The following DRC11 variants were observed in gnomAD, a reference collection of about 807,000 sequenced individuals.
DRC11 encodes IQ and AAA domain-containing protein 1.
the DRC11 span, among the ~76,000 whole-genome samples, chr2:236,495,555 A>C: frequency 6.6e-6 from 1 of 152,082 alleles, no homozygotes; most frequent in Admixed American, 6.5e-5. This position sits in a 1 kb window ranked among gnomAD's most constrained non-coding sequence, Gnocchi z 5.6. Flanking sequence ...ATGTCTCTCT[A>C]TGAGGTGGGC....
At chr2:236,435,307 A>G in the DRC11 span, among the ~76,000 whole-genome samples, 1 of 152,254 alleles carries the variant, frequency 6.6e-6, no homozygotes, top group Admixed American at 6.5e-5. Context: ...AACAGCATCC[A>G]TGGCAGGGGT....
chr2:236,386,612 A>T, the DRC11 span, among the ~76,000 whole-genome samples: 1 of 152,100 alleles, frequency 6.6e-6, no homozygotes, highest in Admixed American at 6.5e-5. Context: ...TCAAAAAACC[A>T]GCTCCTGGAT....
the DRC11 span, among the ~76,000 whole-genome samples, chr2:236,347,855 CAAA>C: frequency 1.4e-5 from 2 of 141,992 alleles, no homozygotes; most frequent in Non-Finnish European, 1.5e-5. Context: ...TAACTTACGG[CAAA>C]AAAAAAAAAA....
At chr2:236,378,876 G>C in the DRC11 span, among the ~76,000 whole-genome samples, 1 of 152,056 alleles carries the variant, frequency 6.6e-6, no homozygotes, top group Admixed American at 6.5e-5. Flanking sequence ...CTGCTTCTTC[G>C]GCAGCAGTCA....
the DRC11 span, among the ~76,000 whole-genome samples, chr2:236,356,762 C>T: frequency 6.6e-6 from 1 of 151,768 alleles, no homozygotes; most frequent in Admixed American, 6.6e-5. Flanking sequence ...TATACAGACT[C>T]AAGGAGACTG....
the DRC11 span, among the ~76,000 whole-genome samples, chr2:236,357,724 TATAA>T: frequency 3.2e-5 from 4 of 126,546 alleles, no homozygotes; most frequent in African/African-American, 9.4e-5. Flanking sequence ...ATTTATAATA[TATAA>T]ATATACATAT....
the DRC11 span, among the ~76,000 whole-genome samples, chr2:236,503,131 A>G: frequency 6.6e-6 from 1 of 152,232 alleles, no homozygotes; most frequent in South Asian, 2.1e-4. The surrounding 1 kb of genome is among the most constrained non-coding windows in gnomAD (Gnocchi z 4.9). Context: ...TACTTCCAAC[A>G]TTGGCCACAC....
At chr2:236,414,930 G>A in the DRC11 span, among the ~76,000 whole-genome samples, 2 of 152,118 alleles carry the variant, frequency 1.3e-5, no homozygotes, top group Admixed American at 1.3e-4. Context: ...GCAATAAATT[G>A]GAAATTCACA....
the DRC11 span, among the ~76,000 whole-genome samples, chr2:236,361,815 A>G: frequency 6.6e-6 from 1 of 152,232 alleles, no homozygotes; most frequent in Non-Finnish European, 1.5e-5. The surrounding 1 kb of genome is among the most constrained non-coding windows in gnomAD (Gnocchi z 5.7). Flanking sequence ...TAAATGACAT[A>G]TGTTGTCAGA....
chr2:236,435,478 GA>G, the DRC11 span, among the ~76,000 whole-genome samples: 1 of 152,230 alleles, frequency 6.6e-6, no homozygotes, highest in East Asian at 1.9e-4. Flanking sequence ...AACTGCCTGA[GA>G]CTGGGTAATT....
the DRC11 span, among the ~76,000 whole-genome samples, chr2:236,484,964 T>C: frequency 1.3e-5 from 2 of 152,222 alleles, no homozygotes; most frequent in South Asian, 2.1e-4. Context: ...GACATTCTCC[T>C]ACTAAATCTC....
chr2:236,468,034 T>C, the DRC11 span, among the ~76,000 whole-genome samples: 1 of 152,164 alleles, frequency 6.6e-6, no homozygotes. Flanking sequence ...ACTTTGTAAA[T>C]ATATGCATTA....
the DRC11 span, among the ~76,000 whole-genome samples, chr2:236,370,979 TG>T: frequency 6.6e-6 from 1 of 152,142 alleles, no homozygotes; most frequent in East Asian, 1.9e-4. This position sits in a 1 kb window ranked among gnomAD's most constrained non-coding sequence, Gnocchi z 5.5. Context: ...GGGAGTTCAA[TG>T]GTGTTGAGGA....
the DRC11 span, among the ~76,000 whole-genome samples, chr2:236,375,346 A>G: frequency 6.6e-6 from 1 of 152,230 alleles, no homozygotes; most frequent in South Asian, 2.1e-4. The surrounding 1 kb of genome is among the most constrained non-coding windows in gnomAD (Gnocchi z 4.2). Flanking sequence ...ATGAGAATCT[A>G]CCACGTGCCA....
chr2:236,443,344 C>A, the DRC11 span, among the ~76,000 whole-genome samples: 2 of 152,070 alleles, frequency 1.3e-5, no homozygotes, highest in Non-Finnish European at 2.9e-5. The surrounding 1 kb of genome is among the most constrained non-coding windows in gnomAD (Gnocchi z 4.4). Context: ...CCCGCAACAC[C>A]CCTGCCCCAA....
chr2:236,465,826 A>G, the DRC11 span: 1 of 669,358 alleles, frequency 1.5e-6, no homozygotes, highest in Admixed American at 2.6e-5. This position sits in a 1 kb window ranked among gnomAD's most constrained non-coding sequence, Gnocchi z 6.2. Context: ...AAAGGCAAAT[A>G]AGAAATACAA....
the DRC11 span, among the ~76,000 whole-genome samples, chr2:236,358,766 A>AATC: frequency 6.7e-6 from 1 of 149,326 alleles, no homozygotes. Context: ...CAGAGTGCTG[A>AATC]ATGTCAACAA....
the DRC11 span, chr2:236,369,240 G>A: frequency 6.6e-6 from 1 of 152,184 alleles, no homozygotes; most frequent in African/African-American, 2.4e-5. This position sits in a 1 kb window ranked among gnomAD's most constrained non-coding sequence, Gnocchi z 4.5. Context: ...AGTATCCCAA[G>A]CTTTTAAGTA....
At chr2:236,486,206 C>G in the DRC11 span, among the ~76,000 whole-genome samples, 2 of 152,172 alleles carry the variant, frequency 1.3e-5, no homozygotes, top group Non-Finnish European at 2.9e-5. This position sits in a 1 kb window ranked among gnomAD's most constrained non-coding sequence, Gnocchi z 5.7. Flanking sequence ...GAACAGAATC[C>G]TGCCAGCAAC....
Sources: allele counts gnomAD v4.1 joint callset (sites outside exome capture counted in the v4.1 genomes callset), GRCh38; gene constraint gnomAD v4.1.1; non-coding constraint Gnocchi (gnomAD v3.1); transcripts MANE v1.5; gene names NCBI Gene and HGNC (gene_info 2026-07-23, HGNC 2026-07-21).